The following LIMS1 variants were observed in gnomAD, a reference collection of about 807,000 sequenced individuals.
The protein encoded by LIMS1 is LIM zinc finger domain containing 1.
LIMS1 carries 18 observed loss-of-function variants against 44.1 expected under a neutral mutation model. That is an observed-to-expected ratio of 0.41 (90% CI 0.28 to 0.61). The LOEUF (loss-of-function observed/expected upper bound fraction) is 0.61, where lower values mean the gene tolerates loss of function less well. Among genes scored for constraint, LIMS1 ranks in the 20% least tolerant of loss-of-function variants. LIMS1 has a pLI of 0.32. For synonymous variants in LIMS1, 93 were observed against 149.1 expected, an observed-to-expected ratio of 0.62 and a Z score of 2.74; for missense variants, 201 against 422.0, an observed-to-expected ratio of 0.48 and a Z score of 4.59.
intron 1 of LIMS1, among the ~76,000 whole-genome samples, chr2:108,590,296 A>G (rs1017589874): frequency 6.6e-6 from 1 of 152,266 alleles, no homozygotes; most frequent in Non-Finnish European, 1.5e-5. Context: ...GAAATAAGGA[A>G]TAGTTATAAT....
At chr2:108,663,687 A>C (rs1691530049) in intron 2 of LIMS1, among the ~76,000 whole-genome samples, 1 of 152,148 alleles carries the variant, frequency 6.6e-6, no homozygotes, top group Admixed American at 6.5e-5. Context: ...GGATTTCACA[A>C]ATGTGTCCCT....
intron 1 of LIMS1, among the ~76,000 whole-genome samples, chr2:108,639,681 A>C (rs1440291444): frequency 6.6e-6 from 1 of 152,132 alleles, no homozygotes; most frequent in Non-Finnish European, 1.5e-5. Context: ...TTGAACTCCT[A>C]ACCTCATGAT....
intron 1 of LIMS1, among the ~76,000 whole-genome samples, chr2:108,622,829 T>TA (rs914860940): frequency 2.0e-5 from 3 of 152,110 alleles, no homozygotes; most frequent in African/African-American, 7.2e-5. Flanking sequence ...TTTCCTTTTT[T>TA]AAAAAAATTA....
At position 108,566,917 on chromosome 2, in the gene LIMS1, G is replaced by A. The variant is rs146097277; in HGVS notation, c.32+32323G>A. ...TGGCCCATCGTAACACTTTTTAAGT[G>A]TGTAGTTCAGTGGTGTTAAGTATGT... On this transcript the variant is annotated intron_variant, in intron 1 of 9. Transcript: ENST00000544547. 1.6e-4 allele frequency among the ~76,000 whole-genome samples: 24 copies of A among 152,242 alleles called. 1 individual carries two copies. The highest frequency in any genetic ancestry group is 3.4e-3 in the Middle Eastern group (1 of 294).
chr2:108,608,650 G>A (rs1213722071), intron 1 of LIMS1, among the ~76,000 whole-genome samples: 3 of 151,582 alleles, frequency 2.0e-5, no homozygotes, highest in African/African-American at 4.9e-5. Flanking sequence ...GTGCTTCAGT[G>A]AATTTTCTTT....
upstream of LIMS1, chr2:108,534,344 C>G (rs1391279577): frequency 8.2e-6 from 2 of 243,544 alleles, no homozygotes; most frequent in Non-Finnish European, 1.6e-5. Context: ...AGTCCCCGCC[C>G]CTCCTTGCCC....
rs1684868149 is a variant in LIMS1, at chr2:108,554,793, T to C, written c.32+20199T>C. ...TGGTCACTAGGGGAGGTGTGCTCTT[T>C]AGGTAAGGGACACACAAACCATTGT... On this transcript the variant is annotated intron_variant, in intron 1 of 9. Coordinates refer to ENST00000544547, the Ensembl canonical transcript of LIMS1. 1.3e-5 allele frequency among the ~76,000 whole-genome samples: 2 copies of C among 152,106 alleles called. 1 individual carries two copies. Among genetic ancestry groups the C allele is most frequent in the South Asian group, 4.2e-4 (2 of 4,816 alleles).
intron 1 of LIMS1, among the ~76,000 whole-genome samples, chr2:108,568,493 G>A (rs1685372041): frequency 6.6e-6 from 1 of 152,314 alleles, no homozygotes; most frequent in East Asian, 1.9e-4. Flanking sequence ...ATGAACATGG[G>A]TTACAAATAC....
chr2:108,630,151 C>A lies in LIMS1; in HGVS notation c.33-29454C>A, dbSNP rs542759818. On this transcript the variant is annotated intron_variant, in intron 1 of 9. Coordinates refer to ENST00000544547, the Ensembl canonical transcript of LIMS1. ...TAGGCTATAGTGAGGTGAGATCATACCATTGTACTCCAGCCTGGGCAACAG... is the reference window on the plus strand; with the variant it reads ...TAGGCTATAGTGAGGTGAGATCATAACATTGTACTCCAGCCTGGGCAACAG... Among the ~76,000 whole-genome samples the A allele has an allele frequency of 7.8e-5, 11 of 141,364 alleles. No individual in the cohort carries two copies. In the South Asian group the frequency reaches 2.2e-3, roughly 28 times the overall value. 92.7% of individuals were successfully genotyped at this position (141,364 alleles called of 152,430 possible).
chr2:108,552,862 G>A (rs1159960267), intron 1 of LIMS1, among the ~76,000 whole-genome samples: 1 of 152,010 alleles, frequency 6.6e-6, no homozygotes, highest in Non-Finnish European at 1.5e-5. Context: ...ACAGACATGA[G>A]CCACTGTGCC....
intron 1 of LIMS1, among the ~76,000 whole-genome samples, chr2:108,611,020 G>T (rs1395571125): frequency 2.0e-5 from 3 of 152,088 alleles, no homozygotes; most frequent in Non-Finnish European, 4.4e-5. Context: ...ACCACATTGT[G>T]TTTAGCCGTG....
intron 5 of LIMS1, among the ~76,000 whole-genome samples, chr2:108,674,193 G>A (rs1402183222): frequency 4.6e-5 from 7 of 151,870 alleles, no homozygotes; most frequent in Admixed American, 2.6e-4. Context: ...AGCCGGGCAC[G>A]GTGGCGGGTG....
chr2:108,555,573 G>A lies in LIMS1; in HGVS notation c.32+20979G>A, dbSNP rs2577589. On this transcript the variant is annotated intron_variant, in intron 1 of 9. Coordinates refer to ENST00000544547, the Ensembl canonical transcript of LIMS1. ...ACTCTGAGCACAAAGTGCTGTGTGC[G>A]TGGTCCTCTTGTGAAAGGCCTACAT... is the stretch of plus-strand genomic sequence containing the variant. Among the ~76,000 whole-genome samples the A allele has an allele frequency of 2.8e-3, 431 of 152,292 alleles. 3 individuals are homozygous for A. The highest frequency in any genetic ancestry group is 9.8e-3 in the African/African-American group (408 of 41,564).
At chr2:108,673,006 C>A in exon 5 of LIMS1, 1 of 1,364,966 alleles carries the variant, frequency 7.3e-7, no homozygotes, top group South Asian at 1.4e-5. Context: ...ACCATCCAGA[C>A]CATTTCAACT....
chr2:108,539,246 G>T lies in LIMS1; in HGVS notation c.32+4652G>T, dbSNP rs533471540. On this transcript the variant is annotated intron_variant, in intron 1 of 9. Coordinates refer to ENST00000544547, the Ensembl canonical transcript of LIMS1. Reference sequence around the variant, plus strand: ...CAACAGGTACATGCCACTATGCCCGGCTAATATTTTGTATTTTTTGTAGTG... The same window carrying T: ...CAACAGGTACATGCCACTATGCCCGTCTAATATTTTGTATTTTTTGTAGTG... Among the ~76,000 whole-genome samples, 2 of 152,244 alleles carry T rather than the reference G, an allele frequency of 1.3e-5. 1 individual carries two copies. Among genetic ancestry groups the T allele is most frequent in the African/African-American group, 4.8e-5 (2 of 41,536 alleles).
intron 1 of LIMS1, among the ~76,000 whole-genome samples, chr2:108,633,438 G>C (rs535114119): frequency 9.1e-4 from 139 of 152,290 alleles, no homozygotes; most frequent in African/African-American, 3.3e-3. Context: ...TCTGAACATA[G>C]TCCAAATAGT....
chr2:108,590,744 C>A (rs1435220881), intron 1 of LIMS1, among the ~76,000 whole-genome samples: 1 of 152,212 alleles, frequency 6.6e-6, no homozygotes, highest in Non-Finnish European at 1.5e-5. Flanking sequence ...TCAGAGTCCT[C>A]CATTGCCTTT....
At chr2:108,541,493 A>G (rs1429891092) in intron 1 of LIMS1, among the ~76,000 whole-genome samples, 2 of 152,182 alleles carry the variant, frequency 1.3e-5, no homozygotes, top group Non-Finnish European at 2.9e-5. Flanking sequence ...TCTGTCATCC[A>G]TGTTGGTTTC....
chr2:108,642,478 G>GC (rs1476319357), intron 1 of LIMS1, among the ~76,000 whole-genome samples: 1 of 149,764 alleles, frequency 6.7e-6, no homozygotes, highest in Admixed American at 6.7e-5. Context: ...TCCTGCCTCA[G>GC]CCTCCCGAGT....
Sources: allele counts gnomAD v4.1 joint callset (sites outside exome capture counted in the v4.1 genomes callset), GRCh38; gene constraint gnomAD v4.1.1; transcripts MANE v1.5; gene names NCBI Gene and HGNC (gene_info 2026-07-23, HGNC 2026-07-21).